Variants in ACVR1B observed in about 807,000 individuals in gnomAD.
The protein encoded by ACVR1B is activin A receptor type 1B, also known as activin receptor type-1B.
ACVR1B carries 15 observed loss-of-function variants against 55.6 expected under a neutral mutation model. The observed-to-expected ratio is 0.27, with a 90% CI of 0.18 to 0.42. The LOEUF (loss-of-function observed/expected upper bound fraction) is 0.42. Among genes scored for constraint, ACVR1B ranks in the 10% least tolerant of loss-of-function variants. The pLI is 1.00. For synonymous variants in ACVR1B, 247 were observed against 254.6 expected (o/e 0.97, Z 0.28); for missense variants, 359 against 670.1 (o/e 0.54, Z 5.13).
intron 6 of ACVR1B, among the ~76,000 whole-genome samples, chr12:51,985,826 G>T (rs1326514209): frequency 2.0e-5 from 3 of 152,194 alleles, no homozygotes; most frequent in African/African-American, 7.2e-5. Flanking sequence ...CCCACTTCAT[G>T]CAGAAGTGAG....
intron 3 of ACVR1B, 87 bp from the exon 4 acceptor site, chr12:51,980,882 G>T: frequency 9.2e-7 from 1 of 1,088,016 alleles, no homozygotes; most frequent in East Asian, 2.5e-5. Context: ...CCATGTTAAG[G>T]GTGTTTCCGT....
intron 1 of ACVR1B, 132 bp from the exon 2 acceptor site, chr12:51,975,129 ATATC>A (rs1328167091): frequency 1.6e-6 from 2 of 1,232,832 alleles, no homozygotes; most frequent in African/African-American, 3.0e-5. Context: ...TCAGTTAAGG[ATATC>A]TTTTTGGCCC....
At chr12:51,989,170 C>A (rs1261574980) in intron 7 of ACVR1B, among the ~76,000 whole-genome samples, 1 of 151,924 alleles carries the variant, frequency 6.6e-6, no homozygotes, top group Non-Finnish European at 1.5e-5. Context: ...GTAGGAGAGA[C>A]TCCATCTCTA....
intron 8 of ACVR1B, among the ~76,000 whole-genome samples, chr12:51,993,049 G>A (rs1351385525): frequency 1.3e-5 from 2 of 152,210 alleles, no homozygotes; most frequent in African/African-American, 4.8e-5. Context: ...GGTGTACAAA[G>A]TGCTGAATTG....
rs753820498 is a variant in ACVR1B, at chr12:51,951,798, G to A, written c.55G>A (p.Ala19Thr). The change falls in exon 1 of 9, where the codon GCC becomes ACC. Residue 19 changes from alanine (A) to threonine (T), a missense_variant. By Grantham distance (58) the Ala-to-Thr change is moderately conservative. This residue lies in a region of ACVR1B where 48 missense variants were observed against 40.6 expected (regional missense o/e 1.18). Coordinates refer to ENST00000257963, the MANE Select transcript of ACVR1B (RefSeq NM_004302.5). Reference protein sequence around the residue: ...SFFPLVVLLLAGSGGSGPRGV... With the variant: ...SFFPLVVLLLTGSGGSGPRGV... ...CTTCCCCCTTGTTGTCCTCCTGCTC[G>A]CCGGCAGCGGCGGGTCCGGGCCCCG... is the stretch of plus-strand genomic sequence containing the variant. 7.7e-7 allele frequency: 1 copy of A among 1,296,274 alleles called. No homozygotes were observed. The highest frequency in any genetic ancestry group is 9.9e-7 in the Non-Finnish European group (1 of 1,013,496). 80.3% of individuals were successfully genotyped at this position (1,296,274 alleles called of 1,614,324 possible).
intron 1 of ACVR1B, among the ~76,000 whole-genome samples, chr12:51,967,474 G>T (rs766888023): frequency 2.0e-5 from 3 of 152,058 alleles, no homozygotes; most frequent in Non-Finnish European, 2.9e-5. Context: ...CAGGAGAATC[G>T]CTTGAACCCA....
Position 51,988,661 on chromosome 12 carries a change from C to T in ACVR1B, c.1261+1719C>T, listed in dbSNP as rs540507071. ...AATAATAAGTAGGTGCTATTATCAT[C>T]GCCATTTTACAAATGAAGAAAATGA... is the stretch of plus-strand genomic sequence containing the variant. On this transcript the variant is annotated intron_variant, in intron 7 of 8. Transcript: ENST00000257963. Among the ~76,000 whole-genome samples, 25 of 152,292 alleles carry T rather than the reference C, an allele frequency of 1.6e-4. 1 individual carries two copies. The South Asian group carries it at 2.1e-3, about 13-fold the overall frequency.
intron 8 of ACVR1B, among the ~76,000 whole-genome samples, chr12:51,992,898 G>A (rs1039884174): frequency 6.6e-6 from 1 of 152,222 alleles, no homozygotes; most frequent in East Asian, 1.9e-4. Flanking sequence ...GAATTCTAGG[G>A]TCTTAAGAGT....
chr12:51,993,978 T>C lies in ACVR1B; in HGVS notation c.1393-7T>C. 6.2e-7 allele frequency: 1 copy of C among 1,613,774 alleles called. No homozygotes were observed. The highest frequency in any genetic ancestry group is 1.6e-4 in the Middle Eastern group (1 of 6,062). ...ACCGAGCTGATGGCTCCTGGGTCTC[T>C]GCACAGGCACTGCGGGTGATGGGGA... On this transcript the variant is annotated splice_polypyrimidine_tract_variant and splice_region_variant and intron_variant, in intron 8 of 8. Transcript: ENST00000257963.
rs754570870 is a variant in ACVR1B, at chr12:51,976,589, C to T, written c.580+14C>T. The T allele has an allele frequency of 8.1e-6, 13 of 1,611,698 alleles. No homozygotes were observed. The highest frequency in any genetic ancestry group is 1.7e-5 in the Admixed American group (1 of 60,004). ...GGTCTGGCTCAGGTACCAAGTTCTTCAGGGCATCATGTCTGTGGTTGGCTT... is the reference window on the plus strand; with the variant it reads ...GGTCTGGCTCAGGTACCAAGTTCTTTAGGGCATCATGTCTGTGGTTGGCTT... On this transcript the variant is annotated intron_variant, in intron 3 of 8. Transcript: ENST00000257963.
intron 7 of ACVR1B, chr12:51,987,179 G>T: frequency 1.4e-6 from 1 of 701,190 alleles, no homozygotes; most frequent in Non-Finnish European, 2.6e-6. Context: ...CTGAAGGCTC[G>T]TTTGGCTTTA....
chr12:51,953,429 T>G (rs1941349288), intron 1 of ACVR1B: 1 of 985,364 alleles, frequency 1.0e-6, no homozygotes, highest in Non-Finnish European at 1.2e-6. Context: ...CACTGCTCTG[T>G]GGCTTAGGTA....
In ACVR1B at chr12:51,995,475, G is replaced by A. The variant is rs1422544169; in HGVS notation, c.*1365G>A. 1 of 152,572 alleles carries A rather than the reference G, an allele frequency of 6.6e-6. No homozygotes were observed. Among genetic ancestry groups the A allele is most frequent in the Non-Finnish European group, 1.5e-5 (1 of 68,036 alleles). The allele number at this position is 152,572 out of a possible 1,614,324, so 9.5% of individuals were successfully genotyped here. ...GTATAGTATTTAACGAAGCCTAGAAGCACGGCTGTGGGTGGTGATTTGGTC... is the reference window on the plus strand; with the variant it reads ...GTATAGTATTTAACGAAGCCTAGAAACACGGCTGTGGGTGGTGATTTGGTC... On this transcript the variant is annotated 3_prime_UTR_variant, in exon 9 of 9. Coordinates refer to ENST00000257963, the MANE Select transcript of ACVR1B (RefSeq NM_004302.5).
chr12:51,990,312 C>CTTTTTTTTTTTTTT (rs71092738), intron 7 of ACVR1B, among the ~76,000 whole-genome samples: 1 of 89,588 alleles, frequency 1.1e-5, no homozygotes. Flanking sequence ...AAATTTAGTG[C>CTTTTTTTTTTTTTT]TTTTTTTTTT....
chr12:51,968,462 G>A (rs898320042), intron 1 of ACVR1B, among the ~76,000 whole-genome samples: 3 of 152,142 alleles, frequency 2.0e-5, no homozygotes, highest in African/African-American at 7.2e-5. Flanking sequence ...GGTCTTTGTG[G>A]CAAATTGTAT....
At chr12:51,961,585 T>A (rs1050985882) in intron 1 of ACVR1B, among the ~76,000 whole-genome samples, 1 of 152,168 alleles carries the variant, frequency 6.6e-6, no homozygotes, top group Admixed American at 6.5e-5. Context: ...TCTTTTTTCC[T>A]TTTCCATTGT....
At chr12:51,975,241 T>C (rs372493782) in intron 1 of ACVR1B, 24 bp from the exon 2 acceptor site, 2 of 1,599,300 alleles carry the variant, frequency 1.3e-6, no homozygotes, top group Non-Finnish European at 1.7e-6. Flanking sequence ...TTGATGTCAA[T>C]GTCTGCTCCC....
intron 4 of ACVR1B, 27 bp downstream of exon 4, chr12:51,981,226 T>G: frequency 6.3e-7 from 1 of 1,585,904 alleles, no homozygotes; most frequent in Non-Finnish European, 8.7e-7. Flanking sequence ...GATACAGCAT[T>G]CCCAGATAGA....
rs1387290317 is a variant in ACVR1B, at chr12:51,976,653, G to C, written c.580+78G>C. ...AGCAGGATAGAGTGCTTGTAGAGAA[G>C]GCTGGAGGCCCTGCATTTGTTTCTA... is the stretch of plus-strand genomic sequence containing the variant. On this transcript the variant is annotated intron_variant, in intron 3 of 8. Transcript: ENST00000257963. 10 of 1,554,566 alleles carry C rather than the reference G, an allele frequency of 6.4e-6. No individual in the cohort carries two copies. In the East Asian group the frequency reaches 2.0e-4, roughly 32 times the overall value.
Sources: allele counts gnomAD v4.1 joint callset (sites outside exome capture counted in the v4.1 genomes callset), GRCh38; gene constraint gnomAD v4.1.1; regional missense constraint gnomAD v4.1.1; transcripts MANE v1.5; gene names NCBI Gene and HGNC (gene_info 2026-07-23, HGNC 2026-07-21).